Variants in TRAPPC10 observed in about 807,000 individuals in gnomAD.
TRAPPC10 encodes trafficking protein particle complex subunit 10.
A neutral mutation model predicts 125.5 loss-of-function variants in TRAPPC10; 23 were observed. That is an observed-to-expected ratio of 0.18 (90% confidence interval 0.13 to 0.26). The LOEUF (loss-of-function observed/expected upper bound fraction) is 0.26, where lower values mean the gene tolerates loss of function less well. Ranked by LOEUF, TRAPPC10 falls within the 10% of genes least tolerant of loss-of-function variation. The pLI, the probability that TRAPPC10 is intolerant of heterozygous loss-of-function variation, is 1.00. For missense variants in TRAPPC10, 1,123 were observed against 1,308.4 expected (o/e 0.86, Z 2.19); for synonymous variants, 509 against 518.0 (o/e 0.98, Z 0.24).
chr21:44,037,937 A>G lies in TRAPPC10; in HGVS notation c.285+10A>G, dbSNP rs528215994. ...CTGGACAGAGTGCTGTGTGAGTACC[A>G]GCAGGGGAAGAGGATGCGCGGTGGG... On this transcript the variant is annotated intron_variant, in intron 3 of 22. Transcript: ENST00000291574. The G allele has an allele frequency of 2.5e-6, 4 of 1,612,144 alleles. No individual in the cohort carries two copies. Among genetic ancestry groups the G allele is most frequent in the African/African-American group, 2.7e-5 (2 of 74,808 alleles).
intron 7 of TRAPPC10, among the ~76,000 whole-genome samples, chr21:44,069,646 T>C (rs1398631683): frequency 6.6e-6 from 1 of 152,242 alleles, no homozygotes; most frequent in African/African-American, 2.4e-5. Flanking sequence ...CATCCACCCC[T>C]GGTGTGTACA....
At chr21:44,022,942 C>T (rs2032684558) in intron 1 of TRAPPC10, among the ~76,000 whole-genome samples, 1 of 150,496 alleles carries the variant, frequency 6.6e-6, no homozygotes, top group African/African-American at 2.5e-5. Flanking sequence ...ATTACCTCTC[C>T]TTTTGGAAAT....
At position 44,016,935 on chromosome 21, in the gene TRAPPC10, A is replaced by G. The variant is rs368740168; in HGVS notation, c.67+4375A>G. Reference sequence around the variant, plus strand: ...CTCCCAAAGTGCTGGGATTATAGGCATGAGCCACCGCGCCCAGCCAGGTTA... The same window carrying G: ...CTCCCAAAGTGCTGGGATTATAGGCGTGAGCCACCGCGCCCAGCCAGGTTA... On this transcript the variant is annotated intron_variant, in intron 1 of 22. Transcript: ENST00000291574. 2.7e-3 allele frequency among the ~76,000 whole-genome samples: 417 copies of G among 152,340 alleles called. 5 individuals carry two copies. In the South Asian group the frequency reaches 0.037, roughly 14 times the overall value.
In TRAPPC10 at chr21:44,059,251, A is replaced by AG; in HGVS notation, c.790+38dup. On this transcript the variant is annotated intron_variant, in intron 6 of 22. Coordinates refer to ENST00000291574, the MANE Select transcript of TRAPPC10 (RefSeq NM_003274.5). The surrounding 1 kb of genome is among the most constrained non-coding windows in gnomAD (Gnocchi z 4.4). Reference sequence around the variant, plus strand: ...CACTTCAGTAACGCATGCTTTTCTTAGTGTGGCTTTCTCCAACTTCAGATA... The same window carrying AG: ...CACTTCAGTAACGCATGCTTTTCTTAGGTGTGGCTTTCTCCAACTTCAGATA... The AG allele has an allele frequency of 6.8e-7, 1 of 1,479,898 alleles. No individual in the cohort carries two copies. The highest frequency in any genetic ancestry group is 9.2e-7 in the Non-Finnish European group (1 of 1,082,252). 91.7% of individuals were successfully genotyped at this position (1,479,898 alleles called of 1,614,324 possible). A position where few individuals can be genotyped will look rare whatever the true frequency, so the allele number is the denominator to read the frequency against.
intron 2 of TRAPPC10, among the ~76,000 whole-genome samples, chr21:44,034,098 A>G (rs2033798413): frequency 1.3e-5 from 2 of 152,190 alleles, no homozygotes; most frequent in Non-Finnish European, 2.9e-5. Flanking sequence ...TGGGAGAAAG[A>G]GAAACAGGTG....
chr21:44,027,257 A>G (rs915181450), intron 1 of TRAPPC10, among the ~76,000 whole-genome samples: 3 of 152,202 alleles, frequency 2.0e-5, no homozygotes, highest in African/African-American at 4.8e-5. Context: ...TATTTAGGAA[A>G]GCGACAAACT....
At chr21:44,018,369 A>G (rs978416735) in intron 1 of TRAPPC10, among the ~76,000 whole-genome samples, 11 of 150,778 alleles carry the variant, frequency 7.3e-5, no homozygotes, top group African/African-American at 2.2e-4. Context: ...TGTACCTCAC[A>G]CTGCAACCTG....
rs59898602 is a variant in TRAPPC10 at position 44,025,821 on chromosome 21, GGTGTGTGTGTGTGTGTGTGTGTGTGTGT to G, written c.68-6237_68-6210del. On this transcript the variant is annotated intron_variant, in intron 1 of 22. Transcript: ENST00000291574. Reference sequence around the variant, plus strand: ...CTGGGAGAGAGCAGCAGAGGGCAGGGGTGTGTGTGTGTGTGTGTGTGTGTGTGTGTGTGTGTGTGTGTGTGTGTGTGTG... The same window carrying G: ...CTGGGAGAGAGCAGCAGAGGGCAGGGGTGTGTGTGTGTGTGTGTGTGTGTG... Among the ~76,000 whole-genome samples, 492 of 109,942 alleles carry G rather than the reference GGTGTGTGTGTGTGTGTGTGTGTGTGTGT, an allele frequency of 4.5e-3. 2 individuals are homozygous for G. The highest frequency in any genetic ancestry group is 0.01 in the South Asian group (31 of 2,978). 72.1% of individuals were successfully genotyped at this position (109,942 alleles called of 152,430 possible).
intron 10 of TRAPPC10, among the ~76,000 whole-genome samples, chr21:44,077,121 A>G (rs2037345495): frequency 6.6e-6 from 1 of 152,190 alleles, no homozygotes; most frequent in African/African-American, 2.4e-5. Context: ...AATACCCAGC[A>G]TGTCACCCAC....
intron 1 of TRAPPC10, among the ~76,000 whole-genome samples, chr21:44,022,186 G>T (rs1303515877): frequency 1.3e-5 from 2 of 151,212 alleles, no homozygotes; most frequent in African/African-American, 4.9e-5. Flanking sequence ...TCAGCTCACT[G>T]CAACCTCCGC....
chr21:44,085,498 A>G (rs1450470539), intron 15 of TRAPPC10, among the ~76,000 whole-genome samples: 1 of 152,224 alleles, frequency 6.6e-6, no homozygotes, highest in East Asian at 1.9e-4. Context: ...CAGTCGGGGC[A>G]GGATGACAAA....
chr21:44,017,031 C>G (rs1260510477), intron 1 of TRAPPC10, among the ~76,000 whole-genome samples: 1 of 152,206 alleles, frequency 6.6e-6, no homozygotes, highest in Non-Finnish European at 1.5e-5. Flanking sequence ...TTAACCATCA[C>G]TAGTTTTACT....
At chr21:44,061,225 C>T (rs956927580) in intron 6 of TRAPPC10, among the ~76,000 whole-genome samples, 3 of 152,214 alleles carry the variant, frequency 2.0e-5, no homozygotes, top group African/African-American at 7.2e-5. Context: ...CAACCTCCGC[C>T]TCCCGGGTTC....
chr21:44,075,194 A>ATTTTCATTACT, intron 9 of TRAPPC10, 41 bp downstream of exon 9: 1 of 1,427,560 alleles, frequency 7.0e-7, no homozygotes, highest in Non-Finnish European at 9.9e-7. Flanking sequence ...TGAGGTGGAC[A>ATTTTCATTACT]GTAATGAAAA....
At chr21:44,089,384 A>G in intron 17 of TRAPPC10, 3 of 370,310 alleles carry the variant, frequency 8.1e-6, no homozygotes, top group African/African-American at 2.1e-5. Context: ...TCAGCCTCAC[A>G]TGGATTAAAT....
intron 3 of TRAPPC10, among the ~76,000 whole-genome samples, chr21:44,041,912 G>T (rs2145756549): frequency 6.6e-6 from 1 of 151,962 alleles, no homozygotes; most frequent in South Asian, 2.1e-4. Flanking sequence ...TTTTAGTAGG[G>T]ATGGGGTTTC....
intron 8 of TRAPPC10, 119 bp downstream of exon 8, chr21:44,074,589 T>G: frequency 7.5e-7 from 1 of 1,338,788 alleles, no homozygotes; most frequent in Non-Finnish European, 1.0e-6. Flanking sequence ...TGCATCCACT[T>G]TAGTGGCCCT....
At chr21:44,012,876 C>T (rs1456049584) in intron 1 of TRAPPC10, among the ~76,000 whole-genome samples, 2 of 151,942 alleles carry the variant, frequency 1.3e-5, no homozygotes, top group Non-Finnish European at 2.9e-5. Context: ...GGGCTGCCAC[C>T]GCCCCGTCCC....
chr21:44,091,047 C>T (rs1350697162), intron 18 of TRAPPC10, among the ~76,000 whole-genome samples: 3 of 152,012 alleles, frequency 2.0e-5, no homozygotes, highest in Non-Finnish European at 4.4e-5. Context: ...AAAAATTAGC[C>T]GGGCATGGTG....
Sources: allele counts gnomAD v4.1 joint callset (sites outside exome capture counted in the v4.1 genomes callset), GRCh38; gene constraint gnomAD v4.1.1; non-coding constraint Gnocchi (gnomAD v3.1); transcripts MANE v1.5; gene names NCBI Gene and HGNC (gene_info 2026-07-23, HGNC 2026-07-21).